SEC24A: variants seen among roughly 807,000 people sequenced by gnomAD.
SEC24A encodes SEC24 homolog A, COPII component, also known as protein transport protein Sec24A.
In SEC24A, 93 loss-of-function variants were observed where a neutral mutation model predicts 129.4. That is an observed-to-expected ratio of 0.72 (90% CI 0.61 to 0.85). The LOEUF is 0.85. SEC24A is among the 40% of genes least tolerant of loss of function. The probability of loss-of-function intolerance (pLI) is 0.00; values close to 1 mark genes in which losing one functional copy is unlikely to be tolerated. For missense variants in SEC24A, 1,264 were observed against 1,307.4 expected (o/e 0.97, Z 0.51); for synonymous variants, 460 against 467.3 (o/e 0.98, Z 0.20).
intron 17 of SEC24A, among the ~76,000 whole-genome samples, chr5:134,706,728 C>T (rs1752170806): frequency 6.6e-6 from 1 of 151,944 alleles, no homozygotes; most frequent in Non-Finnish European, 1.5e-5. Context: ...TCTCATTCAC[C>T]CTCCCAGGAT....
At chr5:134,681,442 TTGTGTGTGTGTGTG>T (rs34487329) in intron 8 of SEC24A, among the ~76,000 whole-genome samples, 5 of 143,698 alleles carry the variant, frequency 3.5e-5, no homozygotes, top group East Asian at 2.1e-4. Context: ...GTTTTATTGT[TTGTGTGTGTGTGTG>T]TGTGTGTGTG....
chr5:134,684,696 G>A lies in SEC24A; in HGVS notation c.1492-2094G>A, dbSNP rs138616348. Among the ~76,000 whole-genome samples the A allele has an allele frequency of 8.5e-3, 1,285 of 151,950 alleles. 20 individuals are homozygous for A. The highest frequency in any genetic ancestry group is 0.028 in the African/African-American group (1,171 of 41,388). On this transcript the variant is annotated intron_variant, in intron 9 of 22. Transcript: ENST00000398844. Reference sequence around the variant, plus strand: ...CCACTGCACTCCAGCCTGGGCAACCGTGCGAGACTCCATCTCAAAAAACAA... The same window carrying A: ...CCACTGCACTCCAGCCTGGGCAACCATGCGAGACTCCATCTCAAAAAACAA...
chr5:134,699,825 T>A (rs1044452671), intron 15 of SEC24A, among the ~76,000 whole-genome samples: 4 of 151,110 alleles, frequency 2.6e-5, no homozygotes, highest in Non-Finnish European at 5.9e-5. Flanking sequence ...CTCAGCCTCC[T>A]GAGTAACTGG....
At chr5:134,683,532 A>G (rs1751346034) in intron 9 of SEC24A, among the ~76,000 whole-genome samples, 1 of 152,114 alleles carries the variant, frequency 6.6e-6, no homozygotes, top group Admixed American at 6.6e-5. Flanking sequence ...TTTCTTTTAG[A>G]GAGGAGGGTC....
intron 8 of SEC24A, among the ~76,000 whole-genome samples, chr5:134,681,895 A>G (rs907935075): frequency 2.0e-5 from 3 of 152,174 alleles, no homozygotes; most frequent in South Asian, 2.1e-4. Flanking sequence ...AGTGCCAGCT[A>G]GTGTCTGTAC....
intron 19 of SEC24A, among the ~76,000 whole-genome samples, chr5:134,717,226 A>G (rs1752501899): frequency 6.6e-6 from 1 of 152,046 alleles, no homozygotes; most frequent in Non-Finnish European, 1.5e-5. Flanking sequence ...GTTAATGGCC[A>G]GGCACGGTAA....
At chr5:134,667,869 T>C (rs1750720855) in intron 3 of SEC24A, among the ~76,000 whole-genome samples, 1 of 152,110 alleles carries the variant, frequency 6.6e-6, no homozygotes, top group African/African-American at 2.4e-5. Context: ...CATCTTGGGA[T>C]GTAATGGAAA....
chr5:134,703,726 T>C (rs1309845782), intron 15 of SEC24A, 33 bp from the exon 16 acceptor site: 2 of 1,454,950 alleles, frequency 1.4e-6, no homozygotes, highest in South Asian at 1.2e-5. Context: ...TGTAGGTATA[T>C]AAAAATAATT....
chr5:134,661,328 G>A lies in SEC24A; in HGVS notation c.307G>A (p.Gly103Ser), dbSNP rs1371982962. The A allele has an allele frequency of 6.2e-7, 1 of 1,614,032 alleles. No homozygotes were observed. The highest frequency in any genetic ancestry group is 1.7e-5 in the Admixed American group (1 of 59,974). Reference protein sequence around the residue: ...SNPVTPSLHSGPAPRMPLPAS... With the variant: ...SNPVTPSLHSSPAPRMPLPAS... Reference sequence around the variant, plus strand: ...TCCAGTGACACCTTCGCTTCATAGTGGTCCTGCTCCCCGAATGCCATTACC... The same window carrying A: ...TCCAGTGACACCTTCGCTTCATAGTAGTCCTGCTCCCCGAATGCCATTACC... The change falls in exon 2 of 23, where the codon GGT becomes AGT. Residue 103 changes from glycine to serine, a missense_variant. Physicochemically the swap from Gly to Ser is moderately conservative, Grantham distance 56. Coordinates refer to ENST00000398844, the MANE Select transcript of SEC24A (RefSeq NM_021982.3).
In SEC24A at chr5:134,666,966, C is replaced by T. The variant is rs1469705176; in HGVS notation, c.709C>T (p.Pro237Ser). ...ATCATCATATAGAGATGTACCCCAG[C>T]CCTTATTTAATTCAGCTGTCAACCA... is the stretch of plus-strand genomic sequence containing the variant. ...LTSSYRDVPQ[P>S]LFNSAVNQEG... The change falls in exon 3 of 23, where the codon CCC becomes TCC. Residue 237 changes from proline to serine, a missense_variant. Coordinates refer to ENST00000398844, the MANE Select transcript of SEC24A (RefSeq NM_021982.3). The T allele has an allele frequency of 3.2e-6, 5 of 1,584,154 alleles. No individual in the cohort carries two copies. The highest frequency in any genetic ancestry group is 3.4e-6 in the Non-Finnish European group (4 of 1,170,912).
intron 14 of SEC24A, 70 bp downstream of exon 14, chr5:134,697,316 C>G (rs1009120140): frequency 1.6e-5 from 21 of 1,286,338 alleles, no homozygotes; most frequent in Non-Finnish European, 2.2e-5. Flanking sequence ...TGATAGTGTT[C>G]TAAATATAGA....
chr5:134,692,311 T>A (rs1438432083), intron 11 of SEC24A, among the ~76,000 whole-genome samples: 1 of 152,092 alleles, frequency 6.6e-6, no homozygotes, highest in Non-Finnish European at 1.5e-5. Context: ...CCTCTCAAAG[T>A]GCTGGGATTA....
At chr5:134,678,468 T>C (rs1048457730) in intron 7 of SEC24A, among the ~76,000 whole-genome samples, 2 of 151,822 alleles carry the variant, frequency 1.3e-5, no homozygotes, top group African/African-American at 4.8e-5. Flanking sequence ...AAAAACTCTT[T>C]TTTTTTGGTA....
intron 15 of SEC24A, among the ~76,000 whole-genome samples, chr5:134,699,398 A>C (rs1751932786): frequency 6.6e-6 from 1 of 150,866 alleles, no homozygotes; most frequent in African/African-American, 2.4e-5. Flanking sequence ...TCCTGGGTTC[A>C]TGCCATTCTC....
chr5:134,713,948 A>G (rs948049225), intron 18 of SEC24A, among the ~76,000 whole-genome samples: 1 of 151,788 alleles, frequency 6.6e-6, no homozygotes, highest in African/African-American at 2.4e-5. Context: ...AGGCTGAGGC[A>G]GGAGAATCGC....
intron 7 of SEC24A, among the ~76,000 whole-genome samples, chr5:134,678,155 A>ACAG (rs1188284994): frequency 1.3e-5 from 2 of 152,060 alleles, no homozygotes; most frequent in Non-Finnish European, 2.9e-5. Flanking sequence ...CAGACAGAGT[A>ACAG]AGTGGTACTG....
chr5:134,702,779 T>G (rs752274020), intron 15 of SEC24A, among the ~76,000 whole-genome samples: 61 of 152,250 alleles, frequency 4.0e-4, no homozygotes, highest in African/African-American at 9.6e-4. Context: ...TGTTGTTGTT[T>G]TTTGAGACAG....
intron 13 of SEC24A, among the ~76,000 whole-genome samples, chr5:134,696,305 G>T (rs1011190879): frequency 2.0e-5 from 3 of 151,602 alleles, no homozygotes; most frequent in Non-Finnish European, 4.4e-5. Flanking sequence ...GAAAATGATA[G>T]CACTTACCTC....
chr5:134,691,644 A>AG (rs1435407854), intron 11 of SEC24A, among the ~76,000 whole-genome samples: 1 of 150,990 alleles, frequency 6.6e-6, no homozygotes, highest in Non-Finnish European at 1.5e-5. Flanking sequence ...CTGGGACTAC[A>AG]GGTGCCCACC....
Sources: allele counts gnomAD v4.1 joint callset (sites outside exome capture counted in the v4.1 genomes callset), GRCh38; gene constraint gnomAD v4.1.1; transcripts MANE v1.5; gene names NCBI Gene and HGNC (gene_info 2026-07-23, HGNC 2026-07-21).